DUXB: variants seen among roughly 807,000 people sequenced by gnomAD.
DUXB encodes double homeobox B.
Under a neutral mutation model 8.9 loss-of-function variants are expected in DUXB, and 22 were observed. That is an observed-to-expected ratio of 2.46 (90% CI 1.76 to 3.52). DUXB has a LOEUF of 3.52. DUXB is among the 30% of genes most tolerant of loss of function. DUXB has a pLI of 0.00. For missense variants in DUXB, 237 were observed against 108.7 expected (o/e 2.18, Z -5.25); for synonymous variants, 84 against 37.6 (o/e 2.23, Z -4.52).
intron 4 of DUXB, among the ~76,000 whole-genome samples, chr16:75,694,820 A>G (rs2082592407): frequency 6.6e-6 from 1 of 152,218 alleles, no homozygotes; most frequent in African/African-American, 2.4e-5. Context: ...AGGTAGTACA[A>G]TTAATTTAGA....
At chr16:75,701,120 T>C (rs1005614622) in intron 1 of DUXB, among the ~76,000 whole-genome samples, 1 of 152,202 alleles carries the variant, frequency 6.6e-6, no homozygotes, top group Non-Finnish European at 1.5e-5. Context: ...AGACAGTTCA[T>C]ACATTCTCCC....
At chr16:75,698,505 C>T (rs540630538) in intron 2 of DUXB, 3 of 152,290 alleles carry the variant, frequency 2.0e-5, no homozygotes, top group Non-Finnish European at 4.4e-5. Context: ...ATATTCTTTA[C>T]AGGTATCTCT....
At chr16:75,699,853 G>A (rs373159173) in intron 2 of DUXB, among the ~76,000 whole-genome samples, 162 bp downstream of exon 2, 8 of 152,106 alleles carry the variant, frequency 5.3e-5, no homozygotes, top group East Asian at 1.9e-4. Context: ...GAGCCACCGC[G>A]CCCAGCCTTT....
chr16:75,699,073 T>G (rs909373459), intron 2 of DUXB, among the ~76,000 whole-genome samples: 8 of 152,300 alleles, frequency 5.3e-5, no homozygotes, highest in Admixed American at 4.6e-4. Context: ...CTTGAACTCC[T>G]GGCCTCAAGT....
chr16:75,694,270 T>G lies in DUXB; in HGVS notation c.697A>C (p.Asn233His), dbSNP rs1392359208. 1.7e-6 allele frequency: 1 copy of G among 597,804 alleles called. No homozygotes were observed. The highest frequency in any genetic ancestry group is 1.9e-5 in the African/African-American group (1 of 53,520). The allele number at this position is 597,804 out of a possible 1,614,324, so 37.0% of individuals were successfully genotyped here. Residue 233 changes from asparagine (N) to histidine (H), a missense_variant, in exon 5 of 5, where the codon AAT becomes CAT. By Grantham distance (68) the Asn-to-His change is moderately conservative (BLOSUM62 1). Coordinates refer to ENST00000633875, the MANE Select transcript of DUXB (RefSeq NM_001351307.2). The stretch of plus-strand genomic sequence containing the variant: ...TGTGTGGGCTGCATGATCATGACAT[T>G]TGGTCCTTGGCTCACATGGAACCTG... ...PFRFHVSQGP[N>H]VMIMQPTQAV...
In DUXB at chr16:75,696,057, G is replaced by A. The variant is rs2082603992; in HGVS notation, c.345C>T (p.Asn115=). ...KQTFITWTQK[N]RLVQAFERNP... is the part of the protein sequence containing the mutation. ...TCCTCTCAAAGGCTTGCACTAGCCT[G>A]TTTTTTTGAGTCCATGTGATGAATG... Residue 115 remains asparagine, a synonymous_variant, in exon 4 of 5, where the codon AAC becomes AAT. Transcript: ENST00000633875. 1.4e-6 allele frequency: 1 copy of A among 702,798 alleles called. No individual in the cohort carries two copies. Among genetic ancestry groups the A allele is most frequent in the African/African-American group, 1.7e-5 (1 of 57,212 alleles). 43.5% of individuals were successfully genotyped at this position (702,798 alleles called of 1,614,324 possible).
chr16:75,700,251 T>G (rs1959202724), intron 1 of DUXB, 82 bp from the exon 2 acceptor site: 1 of 602,790 alleles, frequency 1.7e-6, no homozygotes, highest in South Asian at 2.0e-5. Context: ...TTAATTTATT[T>G]TGAGACAGAG....
intron 1 of DUXB, among the ~76,000 whole-genome samples, chr16:75,700,434 C>T (rs931967527): frequency 4.6e-5 from 7 of 151,914 alleles, no homozygotes; most frequent in Non-Finnish European, 8.8e-5. Context: ...GTCTCATTAT[C>T]TTGCCCAGGC....
At chr16:75,700,290 A>G (rs2151834356) in intron 1 of DUXB, 121 bp from the exon 2 acceptor site, 1 of 550,100 alleles carries the variant, frequency 1.8e-6, no homozygotes, top group Non-Finnish European at 3.2e-6. Flanking sequence ...ATTGGAGTGC[A>G]GTGATGCAGT....
chr16:75,694,974 T>C (rs2082593595), intron 4 of DUXB, among the ~76,000 whole-genome samples: 1 of 152,216 alleles, frequency 6.6e-6, no homozygotes, highest in Non-Finnish European at 1.5e-5. Flanking sequence ...GATGACTGTA[T>C]ATGAAATCAT....
At chr16:75,700,213 A>T in intron 1 of DUXB, 44 bp from the exon 2 acceptor site, 1 of 669,470 alleles carries the variant, frequency 1.5e-6, no homozygotes, top group South Asian at 1.6e-5. Context: ...TAATATATTT[A>T]TGGGTTTAAA....
chr16:75,700,299 G>C, intron 1 of DUXB, 130 bp from the exon 2 acceptor site: 1 of 531,506 alleles, frequency 1.9e-6, no homozygotes, highest in South Asian at 2.7e-5. Flanking sequence ...CAGTGATGCA[G>C]TTTCGGGTCA....
intron 1 of DUXB, 105 bp downstream of exon 1, chr16:75,701,289 C>T (rs1272624747): frequency 5.0e-6 from 2 of 398,120 alleles, no homozygotes; most frequent in African/African-American, 2.1e-5. Context: ...CTCTACCAGT[C>T]TGTACCTCTA....
At position 75,694,014 on chromosome 16, in the gene DUXB, A is replaced by C. The variant is rs909168976; in HGVS notation, c.953T>G (p.Phe318Cys). The C allele has an allele frequency of 2.5e-6, 1 of 402,100 alleles. No homozygotes were observed. Among genetic ancestry groups the C allele is most frequent in the Non-Finnish European group, 4.4e-6 (1 of 228,784 alleles). The allele number at this position is 402,100 out of a possible 1,614,324, so 24.9% of individuals were successfully genotyped here. Residue 318 changes from phenylalanine to cysteine, a missense_variant, in exon 5 of 5, where the codon TTT becomes TGT. Transcript: ENST00000633875. ...CCTTTGCAAAATGTTCGATATGTCAAACTGACCCAGATTTAGAGGTTGTTG... is the reference window on the plus strand; with the variant it reads ...CCTTTGCAAAATGTTCGATATGTCACACTGACCCAGATTTAGAGGTTGTTG... ...REQQPLNLGQ[F>C]DISNILQRWD...
chr16:75,699,563 CT>C (rs1317094267), intron 2 of DUXB, among the ~76,000 whole-genome samples: 192 of 142,950 alleles, frequency 1.3e-3, no homozygotes, highest in Middle Eastern at 7.4e-3. Flanking sequence ...CTTTTCTTTT[CT>C]TTTTTTTTTT....
At position 75,696,878 on chromosome 16, in the gene DUXB, A is replaced by T; in HGVS notation, c.246T>A (p.Asp82Glu). ...GGGACTGGTCATGCCCCTGGGTTTG[A>T]TCTTTTTCTGAGAAGCACTTATAAT... is the stretch of plus-strand genomic sequence containing the variant. ...KLDYKCFSEK[D>E]QTQGHDQSQH... Residue 82 changes from aspartate to glutamate, a missense_variant, in exon 3 of 5, where the codon GAT becomes GAA. Physicochemically the swap from Asp to Glu is conservative, Grantham distance 45 (BLOSUM62 2). Transcript: ENST00000633875. 1.4e-6 allele frequency: 1 copy of T among 702,854 alleles called. No individual in the cohort carries two copies. The highest frequency in any genetic ancestry group is 1.5e-5 in the South Asian group (1 of 67,590). 43.5% of individuals were successfully genotyped at this position (702,854 alleles called of 1,614,324 possible).
At chr16:75,695,323 G>T (rs917093472) in intron 4 of DUXB, among the ~76,000 whole-genome samples, 31 of 152,148 alleles carry the variant, frequency 2.0e-4, no homozygotes, top group Admixed American at 3.9e-4. Flanking sequence ...TCACGGATGT[G>T]TGCATAAGAA....
rs1239855527 is a variant in DUXB, at chr16:75,694,487, C to T, written c.480G>A (p.Lys160=). The change falls in exon 5 of 5, where the codon AAG becomes AAA. Residue 160 remains lysine (K), a synonymous_variant. Coordinates refer to ENST00000633875, the MANE Select transcript of DUXB (RefSeq NM_001351307.2). ...ATAAATTCATGGGCTCCATTCTGCT[C>T]TTCTTGAGGTACAGAGATCTTTGTT... ...FQKQRSLYLK[K]SRMEPMNLLV... 1.4e-6 allele frequency: 1 copy of T among 703,092 alleles called. No individual in the cohort carries two copies. Among genetic ancestry groups the T allele is most frequent in the East Asian group, 2.7e-5 (1 of 37,290 alleles). The allele number at this position is 703,092 out of a possible 1,614,324, so 43.6% of individuals were successfully genotyped here.
Position 75,700,155 on chromosome 16 carries a change from C to A in DUXB, c.40G>T (p.Glu14Ter), listed in dbSNP as rs1487630026. Residue 14 changes from glutamate (E) to a stop codon, truncating the protein, a stop_gained, in exon 2 of 5, where the codon GAA becomes TAA. Transcript: ENST00000633875. LOFTEE classifies it high-confidence loss of function. ...EGTSGGILQK[E>*]FWRNRIQYNQ... ...TACTGAATTCTGTTTCTCCAGAATT[C>A]TTTTTGAAGTATGCCTGATGAACAG... is the stretch of plus-strand genomic sequence containing the variant. The A allele has an allele frequency of 1.4e-6, 1 of 701,806 alleles. No individual in the cohort carries two copies. Among genetic ancestry groups the A allele is most frequent in the East Asian group, 2.7e-5 (1 of 37,236 alleles). The allele number at this position is 701,806 out of a possible 1,614,324, so 43.5% of individuals were successfully genotyped here.
Sources: allele counts gnomAD v4.1 joint callset (sites outside exome capture counted in the v4.1 genomes callset), GRCh38; gene constraint gnomAD v4.1.1; transcripts MANE v1.5; gene names NCBI Gene and HGNC (gene_info 2026-07-23, HGNC 2026-07-21).